ZNF644: variants seen among roughly 807,000 people sequenced by gnomAD.
ZNF644 encodes the protein zinc finger motif enhancer binding protein 2.
ZNF644 carries 20 observed loss-of-function variants against 108.0 expected under a neutral mutation model. The observed-to-expected ratio is 0.19, with a 90% confidence interval of 0.13 to 0.27. The LOEUF (loss-of-function observed/expected upper bound fraction) is 0.27. Ranked by LOEUF, ZNF644 falls within the 10% of genes least tolerant of loss-of-function variation. The pLI is 1.00. For synonymous variants in ZNF644, 542 were observed against 539.1 expected (o/e 1.01, Z -0.08); for missense variants, 1,338 against 1,548.9 (o/e 0.86, Z 2.29).
At chr1:90,981,500 G>A (rs1391037599) in intron 2 of ZNF644, among the ~76,000 whole-genome samples, 1 of 151,608 alleles carries the variant, frequency 6.6e-6, no homozygotes, top group African/African-American at 2.4e-5. Context: ...AACAAACATT[G>A]AGATCAGCAA....
intron 2 of ZNF644, among the ~76,000 whole-genome samples, chr1:90,943,215 G>C (rs752725820): frequency 2.6e-5 from 4 of 152,094 alleles, no homozygotes; most frequent in Non-Finnish European, 5.9e-5. Context: ...GCCGAGGCGG[G>C]TGGATTACAA....
Position 90,916,789 on chromosome 1 carries a change from T to A in ZNF644, c.*9A>T. ...AATTCAAACTGGCTATTTAAAAGGT[T>A]TCCTGGTTCTATGAAGCTGCTTCGG... On this transcript the variant is annotated 3_prime_UTR_variant, in exon 6 of 6. Transcript: ENST00000337393. 6.2e-7 allele frequency: 1 copy of A among 1,614,022 alleles called. No homozygotes were observed. The highest frequency in any genetic ancestry group is 8.5e-7 in the Non-Finnish European group (1 of 1,179,986).
At chr1:90,945,757 T>C (rs1652450185) in intron 2 of ZNF644, among the ~76,000 whole-genome samples, 1 of 152,114 alleles carries the variant, frequency 6.6e-6, no homozygotes, top group African/African-American at 2.4e-5. Flanking sequence ...TCTTTTCTGA[T>C]AGAAAATTAG....
At chr1:91,008,732 C>G (rs1659670372) in intron 1 of ZNF644, among the ~76,000 whole-genome samples, 1 of 152,168 alleles carries the variant, frequency 6.6e-6, no homozygotes. Flanking sequence ...TGGACAAAGT[C>G]AAATATACCT....
At chr1:90,923,155 A>G (rs1180491134) in intron 4 of ZNF644, among the ~76,000 whole-genome samples, 1 of 152,152 alleles carries the variant, frequency 6.6e-6, no homozygotes, top group African/African-American at 2.4e-5. Flanking sequence ...ACACAGTCAC[A>G]TAGGGAGAGC....
chr1:91,014,796 G>A (rs935317748), intron 1 of ZNF644, among the ~76,000 whole-genome samples: 2 of 152,136 alleles, frequency 1.3e-5, no homozygotes, highest in Non-Finnish European at 2.9e-5. Context: ...AAAACTAGGA[G>A]ATGAAACTTA....
chr1:90,954,566 C>T (rs1653549129), intron 2 of ZNF644, among the ~76,000 whole-genome samples: 1 of 152,094 alleles, frequency 6.6e-6, no homozygotes, highest in African/African-American at 2.4e-5. Flanking sequence ...ACAACCACGC[C>T]CGGCTAATTT....
intron 1 of ZNF644, among the ~76,000 whole-genome samples, chr1:90,994,789 C>T (rs1657989557): frequency 6.6e-6 from 1 of 152,050 alleles, no homozygotes; most frequent in Non-Finnish European, 1.5e-5. Context: ...AATTGGACTA[C>T]AATCTCCACA....
At chr1:91,015,068 T>A (rs576803084) in intron 1 of ZNF644, among the ~76,000 whole-genome samples, 1 of 152,194 alleles carries the variant, frequency 6.6e-6, no homozygotes, top group East Asian at 1.9e-4. Context: ...TATGGGTGAC[T>A]TCCCCTCCCT....
At chr1:90,932,817 A>C (rs910105607) in intron 4 of ZNF644, among the ~76,000 whole-genome samples, 1 of 152,122 alleles carries the variant, frequency 6.6e-6, no homozygotes, top group Non-Finnish European at 1.5e-5. Context: ...CAAGAAAAAG[A>C]AGCATTAGTT....
At chr1:90,976,808 C>A (rs993610074) in intron 2 of ZNF644, among the ~76,000 whole-genome samples, 1 of 152,044 alleles carries the variant, frequency 6.6e-6, no homozygotes, top group Non-Finnish European at 1.5e-5. Flanking sequence ...TCCAGGACAA[C>A]CCCCTAGATA....
chr1:90,983,627 T>C (rs1040070974), intron 1 of ZNF644, among the ~76,000 whole-genome samples: 1 of 151,710 alleles, frequency 6.6e-6, no homozygotes, highest in African/African-American at 2.4e-5. Flanking sequence ...CTGAAGGCAA[T>C]GAGAAGACAA....
intron 1 of ZNF644, among the ~76,000 whole-genome samples, chr1:90,985,238 G>A (rs184200955): frequency 6.6e-6 from 1 of 152,098 alleles, no homozygotes; most frequent in Non-Finnish European, 1.5e-5. Flanking sequence ...GTGATGTTTT[G>A]ACATATGCTT....
At chr1:90,971,667 C>T (rs531498454) in intron 2 of ZNF644, among the ~76,000 whole-genome samples, 14 of 152,160 alleles carry the variant, frequency 9.2e-5, no homozygotes, top group Admixed American at 3.9e-4. Flanking sequence ...ATCCATACAC[C>T]TCGGATCCCA....
chr1:91,000,711 C>A (rs572802613), intron 1 of ZNF644, among the ~76,000 whole-genome samples: 8 of 152,126 alleles, frequency 5.3e-5, no homozygotes, highest in African/African-American at 1.7e-4. Flanking sequence ...GATAGAGACA[C>A]AAAACACCCT....
At chr1:90,973,999 CTT>C (rs1284466993) in intron 2 of ZNF644, among the ~76,000 whole-genome samples, 1 of 152,106 alleles carries the variant, frequency 6.6e-6, no homozygotes, top group Admixed American at 6.6e-5. Context: ...CATTCTCTGA[CTT>C]TCTCTCCCTT....
intron 2 of ZNF644, among the ~76,000 whole-genome samples, chr1:90,950,279 GGGA>G (rs1652959723): frequency 2.8e-5 from 1 of 35,792 alleles, no homozygotes; most frequent in Non-Finnish European, 6.7e-5. Context: ...TCCATCTCAA[GGGA>G]AGGGAAGGGA....
intron 2 of ZNF644, among the ~76,000 whole-genome samples, chr1:90,946,006 A>G (rs1261901418): frequency 6.6e-6 from 1 of 152,006 alleles, no homozygotes; most frequent in African/African-American, 2.4e-5. Flanking sequence ...GTTTTCACAA[A>G]CCCTATGTTC....
chr1:90,923,840 G>A lies in ZNF644; in HGVS notation c.3689-5686C>T, dbSNP rs1649732633. On this transcript the variant is annotated intron_variant, in intron 4 of 5. Coordinates refer to ENST00000337393, the MANE Select transcript of ZNF644 (RefSeq NM_201269.3). ...TGGTTTTACAATTATTAGTCCACAA[G>A]GACTGGTTGCTTGAGTTTGTCCTAC... is the stretch of plus-strand genomic sequence containing the variant. Among the ~76,000 whole-genome samples, 5 of 152,216 alleles carry A rather than the reference G, an allele frequency of 3.3e-5. No homozygotes were observed. The South Asian group carries it at 1.0e-3, about 32-fold the overall frequency.
Sources: gnomAD v4.1 joint callset for allele counts (sites outside exome capture counted in the v4.1 genomes callset) on GRCh38, gnomAD v4.1.1 for gene constraint, MANE v1.5 for transcripts, NCBI Gene and HGNC (gene_info 2026-07-23, HGNC 2026-07-21) for gene names.